Variants in NCOR1 observed in about 807,000 individuals in gnomAD.
The protein encoded by NCOR1 is protein phosphatase 1, regulatory subunit 109.
A neutral mutation model predicts 288.1 loss-of-function variants in NCOR1; 63 were observed. The ratio of observed to expected loss-of-function variants is 0.22; its 90% CI spans 0.18 to 0.27. The LOEUF (loss-of-function observed/expected upper bound fraction) is 0.27, where lower values mean the gene tolerates loss of function less well. NCOR1 is among the 10% of genes least tolerant of loss of function. NCOR1 has a pLI of 1.00. For synonymous variants in NCOR1, 1,007 were observed against 1,065.9 expected (o/e 0.94, Z 1.08); for missense variants, 2,397 against 3,019.2 (o/e 0.79, Z 4.83).
intron 2 of NCOR1, among the ~76,000 whole-genome samples, chr17:16,190,421 G>A (rs1026123386): frequency 1.3e-5 from 2 of 151,544 alleles, no homozygotes; most frequent in African/African-American, 4.8e-5. Flanking sequence ...TGCAAGCTCC[G>A]CCTCCCGGGT....
At chr17:16,113,770 G>A (rs1378095044) in intron 18 of NCOR1, among the ~76,000 whole-genome samples, 1 of 152,078 alleles carries the variant, frequency 6.6e-6, no homozygotes, top group African/African-American at 2.4e-5. Flanking sequence ...GCGTGCGCCT[G>A]TAATCCCAGC....
At chr17:16,207,760 A>T (rs2091694376) in intron 1 of NCOR1, among the ~76,000 whole-genome samples, 1 of 151,212 alleles carries the variant, frequency 6.6e-6, no homozygotes, top group Admixed American at 6.6e-5. Context: ...AAAAAAGAAA[A>T]GAAAAGAAAA....
intron 18 of NCOR1, among the ~76,000 whole-genome samples, chr17:16,113,630 C>T (rs925452183): frequency 2.4e-4 from 37 of 152,294 alleles, no homozygotes; most frequent in African/African-American, 8.9e-4. Context: ...CGGTGGCTCA[C>T]GCCTGTAATC....
In NCOR1 at chr17:16,138,208, T is replaced by C. The variant is rs1390963957; in HGVS notation, c.1357A>G (p.Ile453Val). 1 of 1,610,812 alleles carries C rather than the reference T, an allele frequency of 6.2e-7. No homozygotes were observed. The highest frequency in any genetic ancestry group is 2.2e-5 in the East Asian group (1 of 44,814). Reference sequence around the variant, plus strand: ...AGTCCAAAGTTTTTTGGATGCTGGATAAACCTGAGTGAAAACGAAAACAAA... The same window carrying C: ...AGTCCAAAGTTTTTTGGATGCTGGACAAACCTGAGTGAAAACGAAAACAAA... ...HEKEIFKDKFIQHPKNFGLIA... is the reference protein window; with the variant it reads ...HEKEIFKDKFVQHPKNFGLIA... Residue 453 changes from isoleucine to valine, a missense_variant, in exon 13 of 46, where the codon ATC becomes GTC. Physicochemically the swap from Ile to Val is conservative, Grantham distance 29. This residue lies in a region of NCOR1 where 80 missense variants were observed against 100.3 expected (regional missense o/e 0.80). Transcript: ENST00000268712.
chr17:16,186,410 C>A (rs2086692356), intron 3 of NCOR1, 144 bp downstream of exon 3: 2 of 830,266 alleles, frequency 2.4e-6, no homozygotes, highest in Non-Finnish European at 3.5e-6. Context: ...CTATTGCAAC[C>A]AACCAACAAA....
At chr17:16,175,540 C>A (rs2083984313) in intron 3 of NCOR1, among the ~76,000 whole-genome samples, 1 of 152,066 alleles carries the variant, frequency 6.6e-6, no homozygotes, top group Non-Finnish European at 1.5e-5. Flanking sequence ...AATTTTAAAG[C>A]AGTCTGATTT....
At chr17:16,203,778 T>TA (rs2153592339) in intron 1 of NCOR1, among the ~76,000 whole-genome samples, 2 of 152,328 alleles carry the variant, frequency 1.3e-5, no homozygotes, top group East Asian at 3.9e-4. Flanking sequence ...GACTTATCTG[T>TA]ACAGGACTTA....
At chr17:16,035,376 G>A (rs9908031) in intron 44 of NCOR1, among the ~76,000 whole-genome samples, 71,566 of 151,786 alleles carry the variant, frequency 0.47, 17,612 homozygotes, top group Middle Eastern at 0.57. Context: ...TGTCATTTCA[G>A]CCATGTTCAC....
At chr17:16,155,773 T>A (rs923360477) in intron 6 of NCOR1, among the ~76,000 whole-genome samples, 1 of 152,170 alleles carries the variant, frequency 6.6e-6, no homozygotes, top group Non-Finnish European at 1.5e-5. Context: ...AATTACCCCA[T>A]TCCTCCTTGC....
intron 40 of NCOR1, among the ~76,000 whole-genome samples, chr17:16,052,767 T>C (rs1186778072): frequency 3.9e-5 from 6 of 152,180 alleles, no homozygotes; most frequent in African/African-American, 1.2e-4. Flanking sequence ...ATCATCCTGA[T>C]ACCAAAACTT....
At chr17:16,039,381 A>T in intron 44 of NCOR1, 52 bp downstream of exon 44, 1 of 1,552,752 alleles carries the variant, frequency 6.4e-7, no homozygotes, top group Non-Finnish European at 8.8e-7. Flanking sequence ...TGGGAAATAA[A>T]CTGGCTTTTT....
At chr17:16,074,063 G>C (rs2062081904) in intron 27 of NCOR1, among the ~76,000 whole-genome samples, 2 of 152,172 alleles carry the variant, frequency 1.3e-5, no homozygotes, top group Admixed American at 1.3e-4. Flanking sequence ...AGGTGAGACA[G>C]AGAAAGGTAC....
intron 4 of NCOR1, among the ~76,000 whole-genome samples, chr17:16,166,382 C>G (rs2084752402): frequency 6.6e-6 from 1 of 152,122 alleles, no homozygotes; most frequent in Non-Finnish European, 1.5e-5. Context: ...TATGTTTCAT[C>G]TAAATAAAAT....
At chr17:16,137,053 A>G (rs1414703719) in intron 14 of NCOR1, among the ~76,000 whole-genome samples, 1 of 152,200 alleles carries the variant, frequency 6.6e-6, no homozygotes, top group Non-Finnish European at 1.5e-5. Context: ...ACTGAAATGC[A>G]TGACTCAGAT....
chr17:16,150,795 C>G (rs1378775528), intron 8 of NCOR1, among the ~76,000 whole-genome samples: 1 of 151,838 alleles, frequency 6.6e-6, no homozygotes, highest in Non-Finnish European at 1.5e-5. Context: ...AGTTCCAAAG[C>G]AAGGTATATT....
In NCOR1 at chr17:16,054,485, G is replaced by A. The variant is rs773851491; in HGVS notation, c.6392+3029C>T. ...GGGAGGGTTGAGGCTGCTGTGAGCC[G>A]AGACTGCGCCACTGAAATCCAGCCT... On this transcript the variant is annotated intron_variant, in intron 40 of 45. Transcript: ENST00000268712. Among the ~76,000 whole-genome samples, 4 of 152,128 alleles carry A rather than the reference G, an allele frequency of 2.6e-5. 1 individual carries two copies. Among genetic ancestry groups the A allele is most frequent in the South Asian group, 4.1e-4 (2 of 4,826 alleles).
chr17:16,086,676 A>G (rs2152866156), intron 22 of NCOR1, among the ~76,000 whole-genome samples: 1 of 152,342 alleles, frequency 6.6e-6, no homozygotes. Flanking sequence ...ACAGCTTTCA[A>G]GCTGATGCTT....
chr17:16,122,508 T>C (rs1163474662), intron 15 of NCOR1: 2 of 152,254 alleles, frequency 1.3e-5, no homozygotes, highest in Non-Finnish European at 2.9e-5. Flanking sequence ...CAAGTCTTTC[T>C]GTTACAACTG....
At chr17:16,181,213 G>GTATGTATGTATA (rs370956442) in intron 3 of NCOR1, among the ~76,000 whole-genome samples, 2 of 121,978 alleles carry the variant, frequency 1.6e-5, no homozygotes, top group Non-Finnish European at 3.2e-5. Context: ...ATATATGTAT[G>GTATGTATGTATA]TGTGTGTGTG....
Sources: allele counts gnomAD v4.1 joint callset (sites outside exome capture counted in the v4.1 genomes callset), GRCh38; gene constraint gnomAD v4.1.1; regional missense constraint gnomAD v4.1.1; transcripts MANE v1.5; gene names NCBI Gene and HGNC (gene_info 2026-07-23, HGNC 2026-07-21).